Variants in MPP7 observed in about 807,000 individuals in gnomAD.
The protein encoded by MPP7 is MAGUK p55 subfamily member 7.
MPP7 carries 60 observed loss-of-function variants against 76.5 expected under a neutral mutation model. That is an observed-to-expected ratio of 0.78 (90% CI 0.64 to 0.97). MPP7 has a LOEUF of 0.97. Ranked by LOEUF, MPP7 falls within the 50% of genes least tolerant of loss-of-function variation. The probability of loss-of-function intolerance (pLI) is 0.00; values close to 1 mark genes in which losing one functional copy is unlikely to be tolerated. For missense variants in MPP7, 641 were observed against 694.0 expected (o/e 0.92, Z 0.86); for synonymous variants, 237 against 244.5 (o/e 0.97, Z 0.29).
upstream of MPP7, among the ~76,000 whole-genome samples, chr10:28,307,973 T>C (rs1323664056): frequency 1.3e-5 from 2 of 152,212 alleles, no homozygotes; most frequent in Non-Finnish European, 2.9e-5. Flanking sequence ...CTTGGGTTCT[T>C]AGAGACCTGT....
At chr10:28,131,257 T>C (rs1835181524) in intron 6 of MPP7, among the ~76,000 whole-genome samples, 1 of 152,160 alleles carries the variant, frequency 6.6e-6, no homozygotes, top group Non-Finnish European at 1.5e-5. Context: ...CCATAGACAA[T>C]AGCAATTTTT....
chr10:28,242,842 A>G (rs934084804), intron 1 of MPP7, among the ~76,000 whole-genome samples: 2 of 152,206 alleles, frequency 1.3e-5, no homozygotes, highest in African/African-American at 4.8e-5. Context: ...AGGAAAAGGA[A>G]GAAAAGCAGG....
rs533935762 is a variant in MPP7, at chr10:28,140,228, A to C, written c.315+7255T>G. The stretch of plus-strand genomic sequence containing the variant: ...AAAGATAGATATAAAGAAAAAAATC[A>C]GACCAGATGCGATGGCTACCGCCTA... On this transcript the variant is annotated intron_variant, in intron 5 of 16. Coordinates refer to ENST00000683449, the MANE Select transcript of MPP7 (RefSeq NM_001318170.2). 1.1e-4 allele frequency among the ~76,000 whole-genome samples: 17 copies of C among 152,368 alleles called. No homozygotes were observed. In the South Asian group the frequency reaches 2.9e-3, roughly 26 times the overall value.
At chr10:28,069,459 C>T (rs927705881) in intron 13 of MPP7, among the ~76,000 whole-genome samples, 1 of 151,970 alleles carries the variant, frequency 6.6e-6, no homozygotes, top group Non-Finnish European at 1.5e-5. Flanking sequence ...AAAAAATAAG[C>T]TGGGTGTGGT....
At chr10:28,193,418 T>C (rs1487423323) in intron 3 of MPP7, among the ~76,000 whole-genome samples, 2 of 152,122 alleles carry the variant, frequency 1.3e-5, no homozygotes, top group African/African-American at 4.8e-5. Flanking sequence ...TTCACCATGT[T>C]AGCCAGATGG....
intron 6 of MPP7, among the ~76,000 whole-genome samples, chr10:28,129,201 G>C (rs570464085): frequency 6.6e-6 from 1 of 152,156 alleles, no homozygotes; most frequent in East Asian, 1.9e-4. Context: ...AAAACACAGA[G>C]CACATTACAC....
chr10:28,228,025 C>T (rs1465161918), intron 2 of MPP7, among the ~76,000 whole-genome samples: 1 of 152,170 alleles, frequency 6.6e-6, no homozygotes, highest in East Asian at 1.9e-4. Context: ...GACTGAACTA[C>T]TTGCCCAACA....
intron 1 of MPP7, among the ~76,000 whole-genome samples, chr10:28,240,695 T>C (rs1343112871): frequency 6.6e-6 from 1 of 152,154 alleles, no homozygotes; most frequent in Non-Finnish European, 1.5e-5. Flanking sequence ...TTGCTTTGCC[T>C]TCATAAATTA....
intron 1 of MPP7, among the ~76,000 whole-genome samples, chr10:28,297,192 T>G (rs1360485950): frequency 1.3e-5 from 2 of 152,246 alleles, no homozygotes; most frequent in African/African-American, 2.4e-5. Context: ...GAAGTTATAT[T>G]TACAGTATAC....
chr10:28,299,580 C>T (rs1841105922), intron 1 of MPP7, among the ~76,000 whole-genome samples: 1 of 152,010 alleles, frequency 6.6e-6, no homozygotes, highest in African/African-American at 2.4e-5. Context: ...CAGAGACACA[C>T]AAAATGAACA....
chr10:28,107,662 C>T (rs1413487265), intron 11 of MPP7, among the ~76,000 whole-genome samples: 1 of 152,084 alleles, frequency 6.6e-6, no homozygotes, highest in African/African-American at 2.4e-5. Flanking sequence ...ACTCTGAAAC[C>T]ACTGCATGGG....
chr10:28,274,395 G>C (rs973451807), intron 1 of MPP7, among the ~76,000 whole-genome samples: 1 of 151,794 alleles, frequency 6.6e-6, no homozygotes, highest in Non-Finnish European at 1.5e-5. Context: ...CACCGCGCCC[G>C]GCCAAAATTT....
chr10:28,082,472 CCTT>C (rs983946972), intron 12 of MPP7, among the ~76,000 whole-genome samples: 3 of 151,746 alleles, frequency 2.0e-5, no homozygotes, highest in African/African-American at 7.3e-5. Flanking sequence ...TCCTCCTCCT[CCTT>C]CTTCTTTTAG....
intron 5 of MPP7, among the ~76,000 whole-genome samples, chr10:28,143,310 C>CA (rs1182341388): frequency 2.0e-5 from 3 of 152,126 alleles, no homozygotes. Flanking sequence ...ACTAATAAAG[C>CA]AATGACGATA....
At chr10:28,203,719 C>T (rs1457177) in intron 2 of MPP7, among the ~76,000 whole-genome samples, 10,223 of 152,040 alleles carry the variant, frequency 0.067, 386 homozygotes, top group Middle Eastern at 0.12. Context: ...TGGTTAAGGT[C>T]GGAAGTCAAA....
intron 5 of MPP7, among the ~76,000 whole-genome samples, chr10:28,145,006 T>G (rs150732148): frequency 2.1e-3 from 318 of 152,250 alleles, no homozygotes; most frequent in African/African-American, 7.3e-3. Context: ...GCACACCTCC[T>G]GGGTTCACAC....
At chr10:28,057,755 C>CT in intron 15 of MPP7, 5 of 1,288,666 alleles carry the variant, frequency 3.9e-6, no homozygotes, top group Non-Finnish European at 5.1e-6. Flanking sequence ...ATTCATCTTC[C>CT]TTTAGAGGTC....
chr10:28,242,415 T>C (rs768008653), intron 1 of MPP7, among the ~76,000 whole-genome samples: 2 of 152,220 alleles, frequency 1.3e-5, no homozygotes, highest in Non-Finnish European at 2.9e-5. Context: ...ATTAGTTCTA[T>C]TAGCCAGTGC....
chr10:28,152,449 T>A (rs925001013), intron 3 of MPP7, among the ~76,000 whole-genome samples: 1 of 152,178 alleles, frequency 6.6e-6, no homozygotes, highest in Non-Finnish European at 1.5e-5. Flanking sequence ...CTATTTATGA[T>A]AACCAAAAGA....
Sources: gnomAD v4.1 joint callset for allele counts (sites outside exome capture counted in the v4.1 genomes callset) on GRCh38, gnomAD v4.1.1 for gene constraint, MANE v1.5 for transcripts, NCBI Gene and HGNC (gene_info 2026-07-23, HGNC 2026-07-21) for gene names.